The following BMPR1B variants were observed in gnomAD, a reference collection of about 807,000 sequenced individuals.
BMPR1B encodes bone morphogenetic protein receptor type 1B, also known as bone morphogenetic protein receptor type-1B.
Under a neutral mutation model 59.1 loss-of-function variants are expected in BMPR1B, and 12 were observed. The ratio of observed to expected loss-of-function variants is 0.20; its 90% confidence interval spans 0.13 to 0.33. BMPR1B has a LOEUF of 0.33. BMPR1B is among the 10% of genes least tolerant of loss of function. The pLI is 1.00. For missense variants in BMPR1B, 550 were observed against 610.9 expected, an observed-to-expected ratio of 0.90 and a Z score of 1.05; for synonymous variants, 237 against 207.3, an observed-to-expected ratio of 1.14 and a Z score of -1.23.
At chr4:94,811,763 G>A (rs757890243) in intron 1 of BMPR1B, among the ~76,000 whole-genome samples, 2 of 152,102 alleles carry the variant, frequency 1.3e-5, no homozygotes, top group Non-Finnish European at 2.9e-5. Flanking sequence ...TGTATGAAAG[G>A]CCCACCCACA....
intron 3 of BMPR1B, among the ~76,000 whole-genome samples, chr4:95,081,293 G>A (rs1180560324): frequency 6.6e-6 from 1 of 152,088 alleles, no homozygotes; most frequent in African/African-American, 2.4e-5. Context: ...AGCAGCGTGA[G>A]AACGGACTAC....
At chr4:95,048,767 T>C (rs1380668753) in intron 3 of BMPR1B, among the ~76,000 whole-genome samples, 1 of 152,110 alleles carries the variant, frequency 6.6e-6, no homozygotes, top group Admixed American at 6.6e-5. Context: ...TACATTAGGG[T>C]GAGAGGGTTA....
intron 1 of BMPR1B, among the ~76,000 whole-genome samples, chr4:94,840,952 CCTTT>C (rs1725034717): frequency 6.8e-6 from 1 of 146,654 alleles, no homozygotes; most frequent in Non-Finnish European, 1.5e-5. Context: ...GTGTGGATGT[CCTTT>C]CTGTTTGTTA....
chr4:95,053,859 A>C (rs995464070), intron 3 of BMPR1B, among the ~76,000 whole-genome samples: 1 of 152,178 alleles, frequency 6.6e-6, no homozygotes, highest in East Asian at 1.9e-4. Context: ...TAAACAGAGA[A>C]GGACTATGAG....
chr4:95,116,421 G>GCGCGCGCACGCACACACACA, intron 6 of BMPR1B, among the ~76,000 whole-genome samples: 1 of 123,198 alleles, frequency 8.1e-6, no homozygotes, highest in African/African-American at 3.6e-5. Context: ...TTCAGCGCGC[G>GCGCGCGCACGCACACACACA]CACACACACA....
At chr4:94,992,160 A>C (rs1721797508) in intron 2 of BMPR1B, among the ~76,000 whole-genome samples, 1 of 152,220 alleles carries the variant, frequency 6.6e-6, no homozygotes, top group Non-Finnish European at 1.5e-5. Flanking sequence ...AGTCAAATTG[A>C]GGATTAAAAA....
chr4:94,787,956 A>G (rs1055363714), intron 1 of BMPR1B, among the ~76,000 whole-genome samples: 20 of 152,196 alleles, frequency 1.3e-4, no homozygotes, highest in African/African-American at 4.1e-4. Flanking sequence ...ATAAATATTC[A>G]GTAAAAGCAG....
chr4:94,862,295 A>T (rs1726016822), intron 1 of BMPR1B, among the ~76,000 whole-genome samples: 1 of 151,574 alleles, frequency 6.6e-6, no homozygotes, highest in South Asian at 2.1e-4. Context: ...CACTACAGGC[A>T]TGCGCCACCA....
chr4:94,800,447 A>ATTTT (rs71583665), intron 1 of BMPR1B, among the ~76,000 whole-genome samples: 2 of 120,094 alleles, frequency 1.7e-5, no homozygotes, highest in East Asian at 2.3e-4. Flanking sequence ...GGTCTTTACT[A>ATTTT]TTTTTTTTTT....
In BMPR1B at chr4:94,820,227, G is replaced by C. The variant is rs533680972; in HGVS notation, c.-182-55604G>C. Among the ~76,000 whole-genome samples the C allele has an allele frequency of 9.8e-4, 149 of 152,270 alleles. 1 individual carries two copies. The highest frequency in any genetic ancestry group is 3.4e-3 in the Middle Eastern group (1 of 294). ...TGCCAGACCTTGAATGTATGGAGCAGAAATTTTAATTCAGATGGTCTGATG... is the reference window on the plus strand; with the variant it reads ...TGCCAGACCTTGAATGTATGGAGCACAAATTTTAATTCAGATGGTCTGATG... On this transcript the variant is annotated intron_variant, in intron 1 of 12. Coordinates refer to ENST00000515059, the MANE Select transcript of BMPR1B (RefSeq NM_001203.3).
At chr4:95,100,993 C>T (rs562123907) in intron 3 of BMPR1B, among the ~76,000 whole-genome samples, 2 of 151,640 alleles carry the variant, frequency 1.3e-5, no homozygotes, top group African/African-American at 4.8e-5. Flanking sequence ...ACCTATTTAC[C>T]CTAAATTAGT....
chr4:94,982,946 C>G (rs1721183992), intron 2 of BMPR1B, among the ~76,000 whole-genome samples: 1 of 151,376 alleles, frequency 6.6e-6, no homozygotes. Context: ...GATCGTGCCA[C>G]TGCACTCCAG....
At chr4:95,103,535 C>A in intron 3 of BMPR1B, 1 of 958,304 alleles carries the variant, frequency 1.0e-6, no homozygotes, top group Non-Finnish European at 1.2e-6. Flanking sequence ...TTAATGCATG[C>A]CCTCTTCTGT....
At chr4:94,767,053 A>G (rs916565381) in intron 1 of BMPR1B, among the ~76,000 whole-genome samples, 2 of 152,136 alleles carry the variant, frequency 1.3e-5, no homozygotes, top group African/African-American at 4.8e-5. Flanking sequence ...CTTCATTTTT[A>G]TGAGTCATTC....
At chr4:94,988,177 A>G (rs781002576) in intron 2 of BMPR1B, among the ~76,000 whole-genome samples, 3 of 152,100 alleles carry the variant, frequency 2.0e-5, no homozygotes, top group Non-Finnish European at 4.4e-5. Flanking sequence ...ATTTTAAATA[A>G]CACTTTTGAT....
intron 2 of BMPR1B, among the ~76,000 whole-genome samples, chr4:94,915,624 A>G (rs1199961497): frequency 6.6e-6 from 1 of 152,220 alleles, no homozygotes. Context: ...AGATATTACT[A>G]TAAAGGAATG....
intron 10 of BMPR1B, among the ~76,000 whole-genome samples, chr4:95,141,694 C>G (rs1260951190): frequency 6.6e-6 from 1 of 152,196 alleles, no homozygotes; most frequent in Non-Finnish European, 1.5e-5. Flanking sequence ...CAAAGCTTTT[C>G]ACTCTTCACT....
chr4:94,916,311 A>G (rs942265719), intron 2 of BMPR1B, among the ~76,000 whole-genome samples: 1 of 152,132 alleles, frequency 6.6e-6, no homozygotes, highest in African/African-American at 2.4e-5. Context: ...AAAATTTGGG[A>G]TTTCTTAGAG....
intron 3 of BMPR1B, among the ~76,000 whole-genome samples, chr4:95,016,607 A>G (rs1490932311): frequency 6.6e-6 from 1 of 152,228 alleles, no homozygotes; most frequent in Non-Finnish European, 1.5e-5. Context: ...TTGTAGAGAT[A>G]AGAGAAAAGA....
Sources: allele counts gnomAD v4.1 joint callset (sites outside exome capture counted in the v4.1 genomes callset), GRCh38; gene constraint gnomAD v4.1.1; transcripts MANE v1.5; gene names NCBI Gene and HGNC (gene_info 2026-07-23, HGNC 2026-07-21).